The following RTN4RL1 variants were observed in gnomAD, a reference collection of about 807,000 sequenced individuals.
RTN4RL1 encodes the protein reticulon-4 receptor-like 1.
A neutral mutation model predicts 25.6 loss-of-function variants in RTN4RL1; 7 were observed. The observed-to-expected ratio is 0.27, with a 90% CI of 0.16 to 0.51. The LOEUF (loss-of-function observed/expected upper bound fraction) is 0.51. Among genes scored for constraint, RTN4RL1 ranks in the 20% least tolerant of loss-of-function variants. RTN4RL1 has a pLI of 0.97. For missense variants in RTN4RL1, 500 were observed against 615.6 expected, an observed-to-expected ratio of 0.81 and a Z score of 1.99; for synonymous variants, 297 against 288.2, an observed-to-expected ratio of 1.03 and a Z score of -0.31.
intron 1 of RTN4RL1, among the ~76,000 whole-genome samples, chr17:1,980,505 G>A (rs185719216): frequency 6.6e-6 from 1 of 152,188 alleles, no homozygotes; most frequent in African/African-American, 2.4e-5. Context: ...GCTAACAGTG[G>A]TGCTTGGCTC....
Position 1,936,621 on chromosome 17 carries a change from T to A in RTN4RL1, c.1201A>T (p.Lys401Ter). 1 of 1,595,688 alleles carries A rather than the reference T, an allele frequency of 6.3e-7. No homozygotes were observed. The highest frequency in any genetic ancestry group is 8.5e-7 in the Non-Finnish European group (1 of 1,171,814). ...DIMPTARPKR[K>*]GKCARRTPIR... Reference sequence around the variant, plus strand: ...GGGGTCCTGCGGGCACACTTGCCCTTCCTCTTGGGCCGGGCCGTAGGCATG... The same window carrying A: ...GGGGTCCTGCGGGCACACTTGCCCTACCTCTTGGGCCGGGCCGTAGGCATG... The change falls in exon 2 of 2, where the codon AAG (lysine) becomes TAG (stop). Residue 401 changes from lysine to a stop codon, truncating the protein, a stop_gained. Coordinates refer to ENST00000331238, the MANE Select transcript of RTN4RL1 (RefSeq NM_178568.4). LOFTEE classifies it high-confidence loss of function.
At chr17:1,950,017 G>T (rs191204446) in intron 1 of RTN4RL1, among the ~76,000 whole-genome samples, 1 of 152,246 alleles carries the variant, frequency 6.6e-6, no homozygotes, top group Non-Finnish European at 1.5e-5. Flanking sequence ...AGAACAGCAG[G>T]AGCCAGGCCT....
At position 1,936,893 on chromosome 17, in the gene RTN4RL1, G is replaced by A. The variant is rs1216145496; in HGVS notation, c.929C>T (p.Pro310Leu). The A allele has an allele frequency of 3.1e-6, 5 of 1,606,658 alleles. No individual in the cohort carries two copies. The highest frequency in any genetic ancestry group is 2.2e-5 in the East Asian group (1 of 44,772). Residue 310 changes from proline to leucine, a missense_variant, in exon 2 of 2, where the codon CCG becomes CTG. Pro to Leu is a moderately conservative substitution (Grantham distance 98). This residue lies in a region of RTN4RL1 where 268 missense variants were observed against 274.5 expected (regional missense o/e 0.98). Coordinates refer to ENST00000331238, the MANE Select transcript of RTN4RL1 (RefSeq NM_178568.4). ...DFRNCTGPAS[P>L]HQIKSHTLTT... The stretch of plus-strand genomic sequence containing the variant: ...GAGCGTGTGTGACTTGATCTGGTGC[G>A]GGGACGCTGGTCCCGTGCAGTTCCG...
At chr17:1,992,068 G>A (rs1414359274) in intron 1 of RTN4RL1, among the ~76,000 whole-genome samples, 1 of 151,902 alleles carries the variant, frequency 6.6e-6, no homozygotes, top group Non-Finnish European at 1.5e-5. Context: ...ACTGCATGCA[G>A]AAAAAGAGTC....
At chr17:1,991,451 AAAAAAAAAAAAAC>A (rs2066908231) in intron 1 of RTN4RL1, among the ~76,000 whole-genome samples, 1 of 141,622 alleles carries the variant, frequency 7.1e-6, no homozygotes, top group African/African-American at 2.6e-5. Flanking sequence ...CATAGTAAAA[AAAAAAAAAAAAAC>A]AAAAAAAAAC....
intron 1 of RTN4RL1, among the ~76,000 whole-genome samples, chr17:1,991,588 G>A (rs1056160744): frequency 6.6e-6 from 1 of 151,776 alleles, no homozygotes; most frequent in Non-Finnish European, 1.5e-5. Flanking sequence ...TTTCTTTTGT[G>A]TATTTCCAGA....
intron 1 of RTN4RL1, among the ~76,000 whole-genome samples, chr17:1,967,410 G>C (rs1463277713): frequency 6.6e-6 from 1 of 151,886 alleles, no homozygotes; most frequent in Admixed American, 6.6e-5. Context: ...ACGCCTCGCC[G>C]TCTGTCTGTA....
chr17:2,016,642 G>A (rs9909873), intron 1 of RTN4RL1, among the ~76,000 whole-genome samples: 2,850 of 152,344 alleles, frequency 0.019, 88 homozygotes, highest in African/African-American at 0.065. Flanking sequence ...GTCTGGCAGC[G>A]TGTGATGAGA....
In RTN4RL1 at chr17:1,992,938, G is replaced by A. The variant is rs7210260; in HGVS notation, c.13+31915C>T. 9.9e-3 allele frequency among the ~76,000 whole-genome samples: 1,506 copies of A among 152,220 alleles called. 27 individuals are homozygous for A. The highest frequency in any genetic ancestry group is 0.035 in the African/African-American group (1,450 of 41,534). On this transcript the variant is annotated intron_variant, in intron 1 of 1. Coordinates refer to ENST00000331238, the MANE Select transcript of RTN4RL1 (RefSeq NM_178568.4). ...GATGCGGCCTGAATGATGTCACTGT[G>A]ACACAATGAAACTACAGGTGAGGGC...
intron 1 of RTN4RL1, among the ~76,000 whole-genome samples, chr17:1,948,454 CT>C (rs1915605178): frequency 6.6e-6 from 1 of 152,246 alleles, no homozygotes; most frequent in African/African-American, 2.4e-5. Context: ...AGTGAAGGCT[CT>C]GGGCCCTGCG....
rs1484060947 is a variant in RTN4RL1, at chr17:2,024,727, G to A, written c.13+126C>T. 12 of 957,222 alleles carry A rather than the reference G, an allele frequency of 1.3e-5. No homozygotes were observed. The East Asian group carries it at 2.6e-4, about 20-fold the overall frequency. 59.3% of individuals were successfully genotyped at this position (957,222 alleles called of 1,614,324 possible). A position where few individuals can be genotyped will look rare whatever the true frequency, so the allele number is the denominator to read the frequency against. On this transcript the variant is annotated intron_variant, in intron 1 of 1. Transcript: ENST00000331238. The stretch of plus-strand genomic sequence containing the variant: ...AGCAGCCCCTCGGCGGGTGCGCCCG[G>A]CAAAACCCACCAGCCCGCCGGGGGC...
intron 1 of RTN4RL1, among the ~76,000 whole-genome samples, chr17:1,974,792 C>T (rs2066835781): frequency 6.6e-6 from 1 of 152,228 alleles, no homozygotes; most frequent in South Asian, 2.1e-4. Flanking sequence ...TGCTCACCTG[C>T]CACTGTCTCC....
Position 2,018,571 on chromosome 17 carries a change from G to A in RTN4RL1, c.13+6282C>T, listed in dbSNP as rs190628467. On this transcript the variant is annotated intron_variant, in intron 1 of 1. Transcript: ENST00000331238. Reference sequence around the variant, plus strand: ...GCGCCCAGCGCCCCACAAAACAAATGTCAGAGAAATCAAGACAGATGGGCA... The same window carrying A: ...GCGCCCAGCGCCCCACAAAACAAATATCAGAGAAATCAAGACAGATGGGCA... 1.6e-4 allele frequency among the ~76,000 whole-genome samples: 24 copies of A among 152,320 alleles called. No individual in the cohort carries two copies. In the East Asian group the frequency reaches 4.2e-3, roughly 27 times the overall value.
rs562509361 is a variant in RTN4RL1 at position 1,945,325 on chromosome 17, C to T, written c.14-7517G>A. On this transcript the variant is annotated intron_variant, in intron 1 of 1. Coordinates refer to ENST00000331238, the MANE Select transcript of RTN4RL1 (RefSeq NM_178568.4). ...GTAACCTCCACCTCCCGGGTTCAAGCGATTCTCTCGCCTCATCCTCCTGAG... is the reference window on the plus strand; with the variant it reads ...GTAACCTCCACCTCCCGGGTTCAAGTGATTCTCTCGCCTCATCCTCCTGAG... 1.1e-4 allele frequency among the ~76,000 whole-genome samples: 17 copies of T among 152,240 alleles called. No homozygotes were observed. The South Asian group carries it at 3.1e-3, about 28-fold the overall frequency.
intron 1 of RTN4RL1, among the ~76,000 whole-genome samples, chr17:1,961,210 A>T (rs1022706106): frequency 6.6e-6 from 1 of 152,186 alleles, no homozygotes; most frequent in Non-Finnish European, 1.5e-5. Context: ...CCAAGGAAGG[A>T]AGAAAGCGGT....
At chr17:1,939,219 G>A (rs1915387029) in intron 1 of RTN4RL1, among the ~76,000 whole-genome samples, 1 of 151,702 alleles carries the variant, frequency 6.6e-6, no homozygotes, top group Non-Finnish European at 1.5e-5. Flanking sequence ...CGGGCGTGGT[G>A]GCGCGCACTT....
chr17:2,019,570 C>T (rs1369666387), intron 1 of RTN4RL1: 1 of 152,354 alleles, frequency 6.6e-6, no homozygotes, highest in Admixed American at 6.5e-5. Context: ...ACACCTACCC[C>T]TTCCCCTGCC....
At chr17:1,979,554 A>T (rs543403240) in intron 1 of RTN4RL1, among the ~76,000 whole-genome samples, 31 of 152,172 alleles carry the variant, frequency 2.0e-4, no homozygotes, top group Non-Finnish European at 3.8e-4. Flanking sequence ...GTACCACTCA[A>T]GGCTTTGCCT....
chr17:1,964,788 C>CTTTTTTTTTTTT (rs34138766), intron 1 of RTN4RL1, among the ~76,000 whole-genome samples: 30 of 124,706 alleles, frequency 2.4e-4, no homozygotes, highest in Non-Finnish European at 3.3e-4. Context: ...CTTTTCTTTT[C>CTTTTTTTTTTTT]TTTTTTTTTT....
Sources: allele counts gnomAD v4.1 joint callset (sites outside exome capture counted in the v4.1 genomes callset), GRCh38; gene constraint gnomAD v4.1.1; regional missense constraint gnomAD v4.1.1; transcripts MANE v1.5; gene names NCBI Gene and HGNC (gene_info 2026-07-23, HGNC 2026-07-21).